The following FAM124A variants were observed in gnomAD, a reference collection of about 807,000 sequenced individuals.
The protein encoded by FAM124A is protein FAM124A.
FAM124A carries 23 observed loss-of-function variants against 24.5 expected under a neutral mutation model. The ratio of observed to expected loss-of-function variants is 0.94; its 90% CI spans 0.68 to 1.33. The LOEUF (loss-of-function observed/expected upper bound fraction) is 1.33, where lower values mean the gene tolerates loss of function less well. FAM124A is among the 40% of genes most tolerant of loss of function. The pLI is 0.00. For missense variants in FAM124A, 623 were observed against 722.8 expected, an observed-to-expected ratio of 0.86 and a Z score of 1.58; for synonymous variants, 287 against 314.7, an observed-to-expected ratio of 0.91 and a Z score of 0.93.
chr13:51,227,023 A>G (rs770101969), intron 1 of FAM124A, among the ~76,000 whole-genome samples: 1 of 152,196 alleles, frequency 6.6e-6, no homozygotes, highest in Non-Finnish European at 1.5e-5. Context: ...CCCTTAGTAC[A>G]TGATTATTTC....
chr13:51,251,750 G>A lies in FAM124A; in HGVS notation c.383G>A (p.Trp128Ter), dbSNP rs1324296037. The A allele has an allele frequency of 6.3e-7, 1 of 1,585,792 alleles. No individual in the cohort carries two copies. Among genetic ancestry groups the A allele is most frequent in the Non-Finnish European group, 8.6e-7 (1 of 1,167,498 alleles). The change falls in exon 3 of 4, where the codon TGG becomes TAG. Residue 128 changes from tryptophan to a stop codon, truncating the protein, a stop_gained. Transcript: ENST00000322475. LOFTEE classifies it high-confidence loss of function. This position sits in a 1 kb window ranked among gnomAD's most constrained non-coding sequence, Gnocchi z 5.3. ...CACCGCACACTGCAGCAGCCGCCCT[G>A]GCGCCACCACCACACCGAGCAGGTG... is the stretch of plus-strand genomic sequence containing the variant. ...QLHRTLQQPPWRHHHTEQVHG... is the reference protein window; with the variant it reads ...QLHRTLQQPP
chr13:51,235,371 AAAC>A (rs761138105), intron 2 of FAM124A, among the ~76,000 whole-genome samples: 7 of 152,090 alleles, frequency 4.6e-5, no homozygotes, highest in Non-Finnish European at 1.0e-4. Flanking sequence ...GAGAAAAGAA[AAAC>A]AATAATTATG....
At position 51,258,001 on chromosome 13, in the gene FAM124A, G is replaced by T. The variant is rs1015629754; in HGVS notation, c.834+5800G>T. Among the ~76,000 whole-genome samples the T allele has an allele frequency of 1.3e-5, 2 of 152,220 alleles. No individual in the cohort carries two copies. The highest frequency in any genetic ancestry group is 2.9e-5 in the Non-Finnish European group (2 of 68,044). On this transcript the variant is annotated intron_variant, in intron 3 of 3. Coordinates refer to ENST00000322475, the MANE Select transcript of FAM124A (RefSeq NM_001242312.2). The surrounding 1 kb of genome is among the most constrained non-coding windows in gnomAD (Gnocchi z 4.2). ...AGTCCAAAATCAAGGCATCAGCAGG[G>T]TTGGTTCCTCCAAAGGTTGTGAGGA... is the stretch of plus-strand genomic sequence containing the variant.
At chr13:51,274,333 A>G (rs1363584485) in intron 3 of FAM124A, among the ~76,000 whole-genome samples, 1 of 152,192 alleles carries the variant, frequency 6.6e-6, no homozygotes, top group Non-Finnish European at 1.5e-5. Flanking sequence ...GAATATTTGC[A>G]TTATACTTAT....
At chr13:51,228,693 T>A (rs2137644358) in intron 1 of FAM124A, among the ~76,000 whole-genome samples, 1 of 152,348 alleles carries the variant, frequency 6.6e-6, no homozygotes, top group Admixed American at 6.5e-5. Context: ...GGTTTGAACC[T>A]ATTTATTATG....
In FAM124A at chr13:51,251,336, A is replaced by G; in HGVS notation, c.101-132A>G. On this transcript the variant is annotated intron_variant, in intron 2 of 3. Transcript: ENST00000322475. This position sits in a 1 kb window ranked among gnomAD's most constrained non-coding sequence, Gnocchi z 5.3. ...TAGGTAAACTTGGGATCAGAAAATC[A>G]CAGGTCATGGAGTCAGTTCAGTTAG... The G allele has an allele frequency of 8.2e-7, 1 of 1,215,904 alleles. No homozygotes were observed. The highest frequency in any genetic ancestry group is 1.1e-6 in the Non-Finnish European group (1 of 923,104). The allele number at this position is 1,215,904 out of a possible 1,614,324, so 75.3% of individuals were successfully genotyped here.
intron 2 of FAM124A, chr13:51,245,238 G>T: frequency 2.0e-6 from 1 of 507,264 alleles, no homozygotes; most frequent in Non-Finnish European, 3.6e-6. Context: ...CAAAAAACTG[G>T]TTAGGACTAG....
chr13:51,247,099 TG>T (rs2137671263), intron 2 of FAM124A, among the ~76,000 whole-genome samples: 1 of 152,244 alleles, frequency 6.6e-6, no homozygotes, highest in South Asian at 2.1e-4. Context: ...AGGAAAGAAA[TG>T]TAAGTGGGTG....
In FAM124A at chr13:51,246,708, T is replaced by G. The variant is rs537037341; in HGVS notation, c.101-4760T>G. Among the ~76,000 whole-genome samples the G allele has an allele frequency of 2.6e-5, 4 of 152,272 alleles. No individual in the cohort carries two copies. The East Asian group carries it at 7.7e-4, about 29-fold the overall frequency. ...TGGAATGCCTTTCAGCTCACCCCCCTGCTCTGAGGCCGGGCATTTCGCCCT... is the reference window on the plus strand; with the variant it reads ...TGGAATGCCTTTCAGCTCACCCCCCGGCTCTGAGGCCGGGCATTTCGCCCT... On this transcript the variant is annotated intron_variant, in intron 2 of 3. Coordinates refer to ENST00000322475, the MANE Select transcript of FAM124A (RefSeq NM_001242312.2).
chr13:51,265,986 C>G (rs1000438471), intron 3 of FAM124A, among the ~76,000 whole-genome samples: 1 of 152,162 alleles, frequency 6.6e-6, no homozygotes, highest in African/African-American at 2.4e-5. Flanking sequence ...TACATATATA[C>G]TCATACATAT....
intron 3 of FAM124A, among the ~76,000 whole-genome samples, chr13:51,260,356 C>T (rs998639562): frequency 2.0e-5 from 3 of 152,190 alleles, no homozygotes; most frequent in African/African-American, 7.2e-5. Context: ...GCCAGAGATA[C>T]ACACTGCCAT....
chr13:51,242,628 A>G (rs1178876144), intron 2 of FAM124A, among the ~76,000 whole-genome samples: 2 of 152,014 alleles, frequency 1.3e-5, no homozygotes, highest in Non-Finnish European at 2.9e-5. Context: ...TCCTTTTCCT[A>G]TCAGGAGAGT....
Position 51,230,789 on chromosome 13 carries a change from A to C in FAM124A, c.69-559A>C, listed in dbSNP as rs144129713. On this transcript the variant is annotated intron_variant, in intron 1 of 3. Transcript: ENST00000322475. The stretch of plus-strand genomic sequence containing the variant: ...ACAGCTCACATCCTGTTACTCTAAT[A>C]TCCAGCAGGCTTTCTTCTCAGATGG... 2.0e-3 allele frequency among the ~76,000 whole-genome samples: 307 copies of C among 152,212 alleles called. 1 individual carries two copies. Among genetic ancestry groups the C allele is most frequent in the African/African-American group, 6.2e-3 (256 of 41,538 alleles).
chr13:51,236,369 T>TG (rs1954435221), intron 2 of FAM124A, among the ~76,000 whole-genome samples: 1 of 152,246 alleles, frequency 6.6e-6, no homozygotes, highest in Admixed American at 6.5e-5. Flanking sequence ...TCCACATAAA[T>TG]GCTGCCTTCT....
intron 1 of FAM124A, among the ~76,000 whole-genome samples, chr13:51,226,334 T>A (rs1442261556): frequency 6.6e-6 from 1 of 152,010 alleles, no homozygotes; most frequent in African/African-American, 2.4e-5. Flanking sequence ...TGGAGGCAGA[T>A]GGACTTCATA....
At chr13:51,224,030 A>G (rs1441074016) in intron 1 of FAM124A, among the ~76,000 whole-genome samples, 2 of 152,180 alleles carry the variant, frequency 1.3e-5, no homozygotes, top group Non-Finnish European at 2.9e-5. Context: ...TCCTGGACCC[A>G]GGGGGTGACA....
Position 51,283,796 on chromosome 13 carries a change from G to T in FAM124A, c.*2540G>T, listed in dbSNP as rs1347739203. ...AAAAAAAAAAAAAAAAAAAAAAAAA[G>T]GCTAATGGCCGAGGGCTGGCTCCTT... On this transcript the variant is annotated 3_prime_UTR_variant, in exon 4 of 4. Coordinates refer to ENST00000322475, the MANE Select transcript of FAM124A (RefSeq NM_001242312.2). 4 of 31,142 alleles carry T rather than the reference G, an allele frequency of 1.3e-4. No homozygotes were observed. Among genetic ancestry groups the T allele is most frequent in the Middle Eastern group, 0.033 (1 of 30 alleles). The allele number at this position is 31,142 out of a possible 1,614,324, so 1.9% of individuals were successfully genotyped here.
At position 51,262,854 on chromosome 13, in the gene FAM124A, C is replaced by T. The variant is rs75238234; in HGVS notation, c.834+10653C>T. On this transcript the variant is annotated intron_variant, in intron 3 of 3. Coordinates refer to ENST00000322475, the MANE Select transcript of FAM124A (RefSeq NM_001242312.2). ...GTGTGAGAATCCAGTTACTATTTACCCAGGCAACTAGCTCAGCACCTGCTC... is the reference window on the plus strand; with the variant it reads ...GTGTGAGAATCCAGTTACTATTTACTCAGGCAACTAGCTCAGCACCTGCTC... Among the ~76,000 whole-genome samples, 49 of 152,284 alleles carry T rather than the reference C, an allele frequency of 3.2e-4. No individual in the cohort carries two copies. The East Asian group carries it at 9.5e-3, about 29-fold the overall frequency.
chr13:51,236,716 AGAT>A (rs2094645567), intron 2 of FAM124A, among the ~76,000 whole-genome samples: 1 of 152,242 alleles, frequency 6.6e-6, no homozygotes, highest in African/African-American at 2.4e-5. Flanking sequence ...TCATTAGAGA[AGAT>A]GATAACTTAT....
Sources: allele counts gnomAD v4.1 joint callset (sites outside exome capture counted in the v4.1 genomes callset), GRCh38; gene constraint gnomAD v4.1.1; non-coding constraint Gnocchi (gnomAD v3.1); transcripts MANE v1.5; gene names NCBI Gene and HGNC (gene_info 2026-07-23, HGNC 2026-07-21).